The following DENND5A variants were observed in gnomAD, a reference collection of about 807,000 sequenced individuals.
DENND5A encodes the protein DENN domain-containing protein 5A.
Under a neutral mutation model 140.3 loss-of-function variants are expected in DENND5A, and 64 were observed. That is an observed-to-expected ratio of 0.46 (90% CI 0.37 to 0.56). DENND5A has a LOEUF of 0.56. Among genes scored for constraint, DENND5A ranks in the 20% least tolerant of loss-of-function variants. The pLI is 0.00. For synonymous variants in DENND5A, 605 were observed against 607.7 expected (o/e 1.00, Z 0.07); for missense variants, 1,292 against 1,593.8 (o/e 0.81, Z 3.22).
chr11:9,211,297 A>C, intron 1 of DENND5A, among the ~76,000 whole-genome samples: 1 of 152,130 alleles, frequency 6.6e-6, no homozygotes, highest in East Asian at 1.9e-4. Context: ...CTGCCTACAA[A>C]CCTGGCTGAT....
chr11:9,213,421 A>G (rs1849955967), intron 1 of DENND5A, among the ~76,000 whole-genome samples: 1 of 151,240 alleles, frequency 6.6e-6, no homozygotes, highest in Admixed American at 6.6e-5. Context: ...TTAAAGTTTA[A>G]CTTAAAAAAA....
chr11:9,230,036 CTGGG>C (rs1191540947), intron 1 of DENND5A, among the ~76,000 whole-genome samples: 3 of 149,378 alleles, frequency 2.0e-5, no homozygotes, highest in Non-Finnish European at 4.4e-5. Context: ...TCCCGAGTAG[CTGGG>C]TGGGACTACA....
intron 5 of DENND5A, among the ~76,000 whole-genome samples, chr11:9,186,944 C>A (rs1015869608): frequency 6.6e-6 from 1 of 152,044 alleles, no homozygotes; most frequent in Admixed American, 6.6e-5. Flanking sequence ...ATTAGCCAGG[C>A]ATTGCGGTGT....
intron 10 of DENND5A, among the ~76,000 whole-genome samples, chr11:9,169,298 T>C (rs1351431193): frequency 1.3e-5 from 2 of 151,824 alleles, no homozygotes; most frequent in Non-Finnish European, 2.9e-5. Context: ...AATACAGAAA[T>C]TATCTGCGCG....
At position 9,184,842 on chromosome 11, in the gene DENND5A, T is replaced by C. The variant is rs148668091; in HGVS notation, c.1138-3758A>G. On this transcript the variant is annotated intron_variant, in intron 5 of 22. Transcript: ENST00000328194. ...ATATTAACTCTTTGTAGGTTATAAA[T>C]GTTATGTATTTCTTCAGTTTTTATC... Among the ~76,000 whole-genome samples, 270 of 152,358 alleles carry C rather than the reference T, an allele frequency of 1.8e-3. 1 individual carries two copies. Among genetic ancestry groups the C allele is most frequent in the African/African-American group, 5.6e-3 (232 of 41,580 alleles).
chr11:9,219,233 T>C (rs1201542863), intron 1 of DENND5A, among the ~76,000 whole-genome samples: 4 of 152,010 alleles, frequency 2.6e-5, no homozygotes, highest in Non-Finnish European at 5.9e-5. Context: ...GCACAATGGA[T>C]GAAAACAGAC....
intron 8 of DENND5A, among the ~76,000 whole-genome samples, chr11:9,174,102 CAAAAAAAAAA>C (rs57703622): frequency 3.1e-4 from 13 of 42,148 alleles, no homozygotes; most frequent in South Asian, 2.7e-3. Context: ...GACTCCGTCT[CAAAAAAAAAA>C]AAAAAAAAAA....
chr11:9,255,639 G>A (rs919410034), intron 1 of DENND5A, among the ~76,000 whole-genome samples: 1 of 152,172 alleles, frequency 6.6e-6, no homozygotes, highest in Non-Finnish European at 1.5e-5. Context: ...GCAGAGGCAG[G>A]TGGATCATGA....
At chr11:9,248,608 T>C (rs1410947144) in intron 1 of DENND5A, among the ~76,000 whole-genome samples, 1 of 151,624 alleles carries the variant, frequency 6.6e-6, no homozygotes, top group Non-Finnish European at 1.5e-5. Context: ...GCGCTGTGAT[T>C]GAGCCCCTGC....
At chr11:9,186,312 TTA>T (rs1162474392) in intron 5 of DENND5A, among the ~76,000 whole-genome samples, 1 of 152,230 alleles carries the variant, frequency 6.6e-6, no homozygotes, top group East Asian at 1.9e-4. Flanking sequence ...GATTTTAAAA[TTA>T]TGTCATCAGG....
intron 1 of DENND5A, among the ~76,000 whole-genome samples, chr11:9,254,974 G>C (rs1260032689): frequency 6.6e-6 from 1 of 152,058 alleles, no homozygotes; most frequent in Non-Finnish European, 1.5e-5. Flanking sequence ...GGGAGGCTGA[G>C]GCATGAGAAT....
chr11:9,239,897 A>G (rs529059813), intron 1 of DENND5A, among the ~76,000 whole-genome samples: 1 of 152,312 alleles, frequency 6.6e-6, no homozygotes, highest in East Asian at 1.9e-4. Flanking sequence ...CTCAGATTCT[A>G]TAATTTATGT....
At chr11:9,229,899 C>CTTTTTTTTTTTTTTTTTT (rs71062816) in intron 1 of DENND5A, among the ~76,000 whole-genome samples, 1 of 64,904 alleles carries the variant, frequency 1.5e-5, no homozygotes, top group Non-Finnish European at 2.6e-5. Flanking sequence ...GCTCCCATTT[C>CTTTTTTTTTTTTTTTTTT]TTTTTTTTTT....
chr11:9,242,601 C>T (rs1384460812), intron 1 of DENND5A: 1 of 152,290 alleles, frequency 6.6e-6, no homozygotes. Context: ...ACTCTCTGCA[C>T]TTTAGTTTCC....
chr11:9,145,221 T>C, intron 17 of DENND5A, 108 bp from the exon 18 acceptor site: 1 of 797,454 alleles, frequency 1.3e-6, no homozygotes, highest in East Asian at 2.5e-5. Flanking sequence ...CCCCTCAGCA[T>C]CTGCAGGCTT....
intron 1 of DENND5A, among the ~76,000 whole-genome samples, chr11:9,209,022 T>C (rs1408096372): frequency 6.6e-6 from 1 of 152,266 alleles, no homozygotes; most frequent in East Asian, 1.9e-4. Flanking sequence ...TCTTGGGATG[T>C]ATTTTTAAAC....
chr11:9,167,067 T>A (rs1307514896), intron 10 of DENND5A, among the ~76,000 whole-genome samples: 1 of 152,126 alleles, frequency 6.6e-6, no homozygotes, highest in Non-Finnish European at 1.5e-5. Context: ...AAACAACAAC[T>A]GCAATTATTT....
Position 9,148,365 on chromosome 11 carries a change from A to C in DENND5A, c.2736-1214T>G, listed in dbSNP as rs1242056169. Among the ~76,000 whole-genome samples the C allele has an allele frequency of 4.6e-5, 7 of 152,166 alleles. No individual in the cohort carries two copies. In the East Asian group the frequency reaches 1.3e-3, roughly 29 times the overall value. ...ATGAAAAAAAAAAAAGGCTATTCAA[A>C]TGAAGGAAGGTCCTAAAATTTTAAA... is the stretch of plus-strand genomic sequence containing the variant. On this transcript the variant is annotated intron_variant, in intron 15 of 22. Transcript: ENST00000328194.
chr11:9,183,610 T>C (rs1405263207), intron 5 of DENND5A, among the ~76,000 whole-genome samples: 1 of 152,036 alleles, frequency 6.6e-6, no homozygotes, highest in African/African-American at 2.4e-5. Flanking sequence ...TGTCGCTGTG[T>C]TGCCCAGGCT....
Sources: allele counts gnomAD v4.1 joint callset (sites outside exome capture counted in the v4.1 genomes callset), GRCh38; gene constraint gnomAD v4.1.1; transcripts MANE v1.5; gene names NCBI Gene and HGNC (gene_info 2026-07-23, HGNC 2026-07-21).